The following ALK variants were observed in gnomAD, a reference collection of about 807,000 sequenced individuals.
The protein encoded by ALK is ALK tyrosine kinase receptor.
ALK carries 74 observed loss-of-function variants against 163.1 expected under a neutral mutation model. The observed-to-expected ratio is 0.45, with a 90% CI of 0.38 to 0.55. The LOEUF (loss-of-function observed/expected upper bound fraction) is 0.55. ALK is among the 20% of genes least tolerant of loss of function. The pLI, the probability that ALK is intolerant of heterozygous loss-of-function variation, is 0.00. For synonymous variants in ALK, 960 were observed against 843.2 expected, an observed-to-expected ratio of 1.14 and a Z score of -2.40; for missense variants, 2,063 against 2,105.3, an observed-to-expected ratio of 0.98 and a Z score of 0.39.
At chr2:29,236,645 GCCCTT>G in intron 13 of ALK, among the ~76,000 whole-genome samples, 1 of 152,002 alleles carries the variant, frequency 6.6e-6, no homozygotes, top group Non-Finnish European at 1.5e-5. Context: ...AGGAGCTGCC[GCCCTT>G]TCCTCACATG....
intron 4 of ALK, among the ~76,000 whole-genome samples, chr2:29,464,081 A>G (rs1336851194): frequency 6.6e-6 from 1 of 152,208 alleles, no homozygotes; most frequent in African/African-American, 2.4e-5. Flanking sequence ...TGCATGCCAG[A>G]TCAAAATCCA....
chr2:29,757,793 G>A lies in ALK; in HGVS notation c.668-40096C>T, dbSNP rs75797285. On this transcript the variant is annotated intron_variant, in intron 1 of 28. Transcript: ENST00000389048. ...AGCCTCTGTGGCATATTCTGGTTTGGTTTTGGTTGCTGTTGTTTGTTTATA... is the reference window on the plus strand; with the variant it reads ...AGCCTCTGTGGCATATTCTGGTTTGATTTTGGTTGCTGTTGTTTGTTTATA... 3.8e-3 allele frequency among the ~76,000 whole-genome samples: 574 copies of A among 152,190 alleles called. 4 individuals are homozygous for A. The highest frequency in any genetic ancestry group is 0.013 in the African/African-American group (550 of 41,518).
intron 1 of ALK, among the ~76,000 whole-genome samples, chr2:29,769,766 G>A (rs1424444409): frequency 6.6e-6 from 1 of 152,180 alleles, no homozygotes; most frequent in Non-Finnish European, 1.5e-5. Flanking sequence ...AGGAAAGGGG[G>A]CATTAATGTG....
chr2:29,547,023 C>T (rs1673573801), intron 3 of ALK, among the ~76,000 whole-genome samples: 1 of 152,198 alleles, frequency 6.6e-6, no homozygotes, highest in Non-Finnish European at 1.5e-5. Flanking sequence ...CTGCATGGAG[C>T]ACCCATGGGC....
chr2:29,366,442 G>A (rs530464364), intron 5 of ALK, among the ~76,000 whole-genome samples: 2 of 152,230 alleles, frequency 1.3e-5, no homozygotes, highest in African/African-American at 4.8e-5. Context: ...TAGGGCCTGG[G>A]AACCCAGAGA....
chr2:29,405,753 T>C (rs1669566531), intron 4 of ALK, among the ~76,000 whole-genome samples: 2 of 152,152 alleles, frequency 1.3e-5, no homozygotes, highest in Non-Finnish European at 2.9e-5. Flanking sequence ...CTAATGGAAA[T>C]TTAAATACTT....
intron 1 of ALK, among the ~76,000 whole-genome samples, chr2:29,858,399 C>G (rs74866793): frequency 0.024 from 3,668 of 152,090 alleles, 143 homozygotes; most frequent in African/African-American, 0.084. Flanking sequence ...ACCCCCCTCT[C>G]GCACAGCATC....
At chr2:29,396,065 G>T (rs906512608) in intron 4 of ALK, among the ~76,000 whole-genome samples, 1 of 152,282 alleles carries the variant, frequency 6.6e-6, no homozygotes, top group East Asian at 1.9e-4. Context: ...GATGAGTGAG[G>T]AGAGGGATCA....
intron 3 of ALK, among the ~76,000 whole-genome samples, chr2:29,574,952 A>T (rs1300813358): frequency 6.6e-6 from 1 of 152,144 alleles, no homozygotes; most frequent in African/African-American, 2.4e-5. Context: ...TACATTATTA[A>T]TACCTGCACG....
intron 2 of ALK, among the ~76,000 whole-genome samples, chr2:29,713,175 C>A (rs186658403): frequency 2.0e-5 from 3 of 152,276 alleles, no homozygotes; most frequent in South Asian, 4.2e-4. Context: ...ATGGTGTGCA[C>A]CCTATATGTG....
chr2:29,886,359 G>A (rs568700132), intron 1 of ALK, among the ~76,000 whole-genome samples: 1 of 152,168 alleles, frequency 6.6e-6, no homozygotes, highest in Non-Finnish European at 1.5e-5. Flanking sequence ...ACTGTGCAGG[G>A]GTTGTTGAAA....
At chr2:29,673,405 G>A (rs1346989039) in intron 3 of ALK, among the ~76,000 whole-genome samples, 1 of 139,570 alleles carries the variant, frequency 7.2e-6, no homozygotes, top group Non-Finnish European at 1.5e-5. Context: ...TGGCTAGCCA[G>A]TTTTCCCAGC....
In ALK at chr2:29,346,325, T is replaced by G. The variant is rs142839688; in HGVS notation, c.1283-17844A>C. ...AAAAGATCCACAGGAAGGTACCAAT[T>G]GAATGCAGTCTGCTTTATTTTCAGA... On this transcript the variant is annotated intron_variant, in intron 5 of 28. Transcript: ENST00000389048. Among the ~76,000 whole-genome samples, 540 of 152,312 alleles carry G rather than the reference T, an allele frequency of 3.5e-3. 2 individuals carry two copies. The highest frequency in any genetic ancestry group is 5.4e-3 in the Non-Finnish European group (370 of 68,016).
chr2:29,704,597 G>A (rs559837159), intron 2 of ALK, among the ~76,000 whole-genome samples: 11 of 152,204 alleles, frequency 7.2e-5, no homozygotes, highest in East Asian at 1.9e-4. Flanking sequence ...ATATGGCTAC[G>A]TTTCAAATAT....
intron 4 of ALK, among the ~76,000 whole-genome samples, chr2:29,470,442 G>T (rs1359988997): frequency 6.6e-6 from 1 of 152,128 alleles, no homozygotes; most frequent in Non-Finnish European, 1.5e-5. Context: ...TAATAAAGCT[G>T]CTGAAAATCA....
intron 3 of ALK, among the ~76,000 whole-genome samples, chr2:29,533,301 T>C (rs1212934654): frequency 6.6e-6 from 1 of 152,202 alleles, no homozygotes; most frequent in East Asian, 1.9e-4. Flanking sequence ...GAAATGTTCT[T>C]ATCATGGGCA....
intron 12 of ALK, among the ~76,000 whole-genome samples, chr2:29,248,911 C>T (rs1284814719): frequency 2.0e-5 from 3 of 152,256 alleles, no homozygotes; most frequent in African/African-American, 4.8e-5. Flanking sequence ...GAAACTACCG[C>T]GTATGGGGTC....
At chr2:29,304,465 A>G (rs1359907674) in intron 8 of ALK, among the ~76,000 whole-genome samples, 1 of 147,804 alleles carries the variant, frequency 6.8e-6, no homozygotes, top group Non-Finnish European at 1.5e-5. Flanking sequence ...ACTGCACTCC[A>G]GCCTGGGCAA....
At chr2:29,558,495 C>T (rs1054510267) in intron 3 of ALK, among the ~76,000 whole-genome samples, 1 of 152,258 alleles carries the variant, frequency 6.6e-6, no homozygotes, top group Non-Finnish European at 1.5e-5. Flanking sequence ...CTGGTCACTG[C>T]TACCTGAGGA....
Sources: allele counts gnomAD v4.1 joint callset (sites outside exome capture counted in the v4.1 genomes callset), GRCh38; gene constraint gnomAD v4.1.1; transcripts MANE v1.5; gene names NCBI Gene and HGNC (gene_info 2026-07-23, HGNC 2026-07-21).